Variants in ZNF596 observed in about 807,000 individuals in gnomAD.
The protein encoded by ZNF596 is zinc finger protein 596.
In ZNF596, 45 loss-of-function variants were observed where a neutral mutation model predicts 48.3. The ratio of observed to expected loss-of-function variants is 0.93; its 90% CI spans 0.73 to 1.19. ZNF596 has a LOEUF of 1.19. Among genes scored for constraint, ZNF596 ranks in the 50% most tolerant of loss-of-function variants. The pLI is 0.00. For missense variants in ZNF596, 848 were observed against 599.7 expected (o/e 1.41, Z -4.32); for synonymous variants, 270 against 202.0 (o/e 1.34, Z -2.85).
intron 1 of ZNF596, among the ~76,000 whole-genome samples, chr8:238,685 T>A (rs1325076337): frequency 7.5e-6 from 1 of 133,842 alleles, no homozygotes; most frequent in African/African-American, 2.8e-5. Flanking sequence ...CGGGCACCTA[T>A]AATCCCAGCT....
At position 244,664 on chromosome 8, in the gene ZNF596, ATATC is replaced by A; in HGVS notation, c.274_277del (p.Tyr92ArgfsTer10). 1 of 1,613,568 alleles carries A rather than the reference ATATC, an allele frequency of 6.2e-7. No homozygotes were observed. Among genetic ancestry groups the A allele is most frequent in the Admixed American group, 1.7e-5 (1 of 59,944 alleles). On this transcript the variant is annotated frameshift_variant, in exon 5 of 6. Transcript: ENST00000398612. LOFTEE classifies it high-confidence loss of function. ...CATCAAGAGATACCATTCATTCAACATATCTATCAGAAGGGCACGTCCACCATCA... is the reference window on the plus strand; with the variant it reads ...CATCAAGAGATACCATTCATTCAACATATCAGAAGGGCACGTCCACCATCA...
Position 247,264 on chromosome 8 carries a change from T to G in ZNF596, c.*902T>G, listed in dbSNP as rs1345492815. 1 of 152,206 alleles carries G rather than the reference T, an allele frequency of 6.6e-6. No individual in the cohort carries two copies. The highest frequency in any genetic ancestry group is 1.9e-4 in the East Asian group (1 of 5,196). 9.4% of individuals were successfully genotyped at this position (152,206 alleles called of 1,614,324 possible). On this transcript the variant is annotated 3_prime_UTR_variant, in exon 6 of 6. Coordinates refer to ENST00000398612, the MANE Select transcript of ZNF596 (RefSeq NM_001042416.3). ...AAAATATGTGGGTTGAAATGTACAA[T>G]TCTGAAATAACCTGGGAATATTGAA... is the stretch of plus-strand genomic sequence containing the variant.
intron 1 of ZNF596, among the ~76,000 whole-genome samples, chr8:235,197 G>T (rs1473510897): frequency 1.3e-5 from 2 of 152,196 alleles, no homozygotes; most frequent in African/African-American, 2.4e-5. Context: ...TGTCTAACAG[G>T]AGGGAGTTTT....
intron 1 of ZNF596, chr8:237,696 G>C (rs902984624): frequency 2.6e-5 from 4 of 152,138 alleles, no homozygotes; most frequent in Admixed American, 1.3e-4. Context: ...GAATTTGGAT[G>C]TTTCTAGTTA....
chr8:243,959 C>T (rs1796958057), intron 4 of ZNF596, 154 bp downstream of exon 4: 1 of 528,264 alleles, frequency 1.9e-6, no homozygotes, highest in East Asian at 3.8e-5. Flanking sequence ...GTGATCTCGG[C>T]TCACTGCAAC....
intron 1 of ZNF596, among the ~76,000 whole-genome samples, chr8:235,753 G>C (rs540764404): frequency 5.7e-4 from 86 of 152,128 alleles, no homozygotes; most frequent in African/African-American, 1.8e-3. Context: ...GTTTTCCTCA[G>C]GAAGGCAGGA....
At chr8:244,574 T>C (rs1326445355) in intron 4 of ZNF596, 45 bp from the exon 5 acceptor site, 2 of 1,358,466 alleles carry the variant, frequency 1.5e-6, no homozygotes, top group Non-Finnish European at 2.1e-6. Flanking sequence ...ACATTTTTAT[T>C]CCCCTAATGC....
intron 5 of ZNF596, 99 bp from the exon 6 acceptor site, chr8:245,055 T>C: frequency 7.2e-7 from 1 of 1,388,636 alleles, no homozygotes; most frequent in South Asian, 1.5e-5. Flanking sequence ...AGTCTACCAC[T>C]GAATGATTAT....
intron 1 of ZNF596, among the ~76,000 whole-genome samples, chr8:235,099 A>T (rs976204210): frequency 6.6e-6 from 1 of 152,206 alleles, no homozygotes; most frequent in East Asian, 1.9e-4. Flanking sequence ...TTAGAAAATG[A>T]TAGCTTTGAC....
intron 1 of ZNF596, among the ~76,000 whole-genome samples, chr8:236,880 T>G (rs917932474): frequency 6.6e-6 from 1 of 152,246 alleles, no homozygotes; most frequent in African/African-American, 2.4e-5. Flanking sequence ...TTGTAGTTAT[T>G]GTTACATTCA....
chr8:235,704 G>A (rs1281545525), intron 1 of ZNF596, among the ~76,000 whole-genome samples: 1 of 152,102 alleles, frequency 6.6e-6, no homozygotes, highest in Non-Finnish European at 1.5e-5. Context: ...TGTTTCTGCA[G>A]TGAAACCAAA....
In ZNF596 at chr8:246,019, A is replaced by G; in HGVS notation, c.1172A>G (p.Tyr391Cys). 4 of 1,614,150 alleles carry G rather than the reference A, an allele frequency of 2.5e-6. No homozygotes were observed. The highest frequency in any genetic ancestry group is 2.5e-6 in the Non-Finnish European group (3 of 1,180,016). The change falls in exon 6 of 6, where the codon TAT becomes TGT. Residue 391 changes from tyrosine to cysteine, a missense_variant. By Grantham distance (194) the Tyr-to-Cys change is radical. Coordinates refer to ENST00000398612, the MANE Select transcript of ZNF596 (RefSeq NM_001042416.3). ...HERIHTGEKPYECHVCGKAFT... is the reference protein window; with the variant it reads ...HERIHTGEKPCECHVCGKAFT... ...AGAATTCACACTGGAGAGAAACCAT[A>G]TGAGTGCCATGTATGTGGGAAAGCC... is the stretch of plus-strand genomic sequence containing the variant.
intron 1 of ZNF596, chr8:237,019 A>C (rs528339096): frequency 3.0e-4 from 46 of 152,356 alleles, no homozygotes; most frequent in African/African-American, 1.1e-3. Context: ...TTTTACAGTT[A>C]AACTCTGATA....
intron 2 of ZNF596, 80 bp downstream of exon 2, chr8:240,987 A>T (rs973507451): frequency 6.5e-7 from 1 of 1,538,876 alleles, no homozygotes; most frequent in Non-Finnish European, 9.0e-7. Context: ...ATTAACATGG[A>T]TGTTCTAAGT....
intron 2 of ZNF596, among the ~76,000 whole-genome samples, chr8:242,292 G>A (rs1796883542): frequency 6.8e-6 from 1 of 147,492 alleles, no homozygotes; most frequent in African/African-American, 2.7e-5. Context: ...CTGATACCAA[G>A]TTCTATATGA....
rs559788525 is a variant in ZNF596, at chr8:242,990, A to G, written c.116A>G (p.Asn39Ser). The change falls in exon 3 of 6, where the codon AAC (asparagine) becomes AGC (serine). Residue 39 changes from asparagine (N) to serine (S), a missense_variant. By Grantham distance (46) the Asn-to-Ser change is conservative. Coordinates refer to ENST00000398612, the MANE Select transcript of ZNF596 (RefSeq NM_001042416.3). Reference protein sequence around the residue: ...RKLFQDVMLENISHLVSIGKQ... With the variant: ...RKLFQDVMLESISHLVSIGKQ... ...CTGTTTCAAGATGTGATGTTGGAGAACATCAGTCATCTGGTCTCTATTGGT... is the reference window on the plus strand; with the variant it reads ...CTGTTTCAAGATGTGATGTTGGAGAGCATCAGTCATCTGGTCTCTATTGGT... 2.0e-5 allele frequency: 32 copies of G among 1,612,122 alleles called. 1 individual carries two copies. In the South Asian group the frequency reaches 3.4e-4, roughly 17 times the overall value.
chr8:240,724 G>T, intron 1 of ZNF596, 100 bp from the exon 2 acceptor site: 2 of 728,110 alleles, frequency 2.7e-6, no homozygotes, highest in Non-Finnish European at 2.4e-6. Flanking sequence ...CCCACTGCAT[G>T]TCCTTGTTGG....
At chr8:237,267 T>C (rs1055227171) in intron 1 of ZNF596, 1 of 152,178 alleles carries the variant, frequency 6.6e-6, no homozygotes, top group African/African-American at 2.4e-5. Context: ...TTTTTAATTA[T>C]TGATTTCTGT....
At position 240,852 on chromosome 8, in the gene ZNF596, G is replaced by A. The variant is rs373093037; in HGVS notation, c.-44G>A. 163 of 1,613,140 alleles carry A rather than the reference G, an allele frequency of 1.0e-4. No individual in the cohort carries two copies. The highest frequency in any genetic ancestry group is 1.2e-4 in the Non-Finnish European group (145 of 1,179,250). ...TGTCTTCTTAGTGCTTGGATGGTGT[G>A]AGTGAAAACCCAGAGGAATACATTT... On this transcript the variant is annotated 5_prime_UTR_variant, in exon 2 of 6. The change abolishes the stop of an existing upstream ORF in the 5' untranslated region. Coordinates refer to ENST00000398612, the MANE Select transcript of ZNF596 (RefSeq NM_001042416.3).
Sources: gnomAD v4.1 joint callset for allele counts (sites outside exome capture counted in the v4.1 genomes callset) on GRCh38, gnomAD v4.1.1 for gene constraint, MANE v1.5 for transcripts, NCBI Gene and HGNC (gene_info 2026-07-23, HGNC 2026-07-21) for gene names.